The following C1orf21 variants were observed in gnomAD, a reference collection of about 807,000 sequenced individuals.
The protein encoded by C1orf21 is chromosome 1 open reading frame 21, also known as uncharacterized protein C1orf21.
Under a neutral mutation model 18.7 loss-of-function variants are expected in C1orf21, and 3 were observed. The ratio of observed to expected loss-of-function variants is 0.16; its 90% CI spans 0.07 to 0.42. The LOEUF is 0.42. C1orf21 is among the 10% of genes least tolerant of loss of function. The pLI is 0.99. For synonymous variants in C1orf21, 41 were observed against 46.4 expected, an observed-to-expected ratio of 0.88 and a Z score of 0.47; for missense variants, 104 against 143.6, an observed-to-expected ratio of 0.72 and a Z score of 1.41.
At chr1:184,610,811 C>T (rs1386720922) in intron 5 of C1orf21, among the ~76,000 whole-genome samples, 2 of 148,940 alleles carry the variant, frequency 1.3e-5, no homozygotes, top group Non-Finnish European at 1.5e-5. Context: ...TCGCCCACTG[C>T]ACTCCAGCCT....
At chr1:184,551,077 TAGAAC>T (rs1558000733) in intron 3 of C1orf21, among the ~76,000 whole-genome samples, 1 of 152,172 alleles carries the variant, frequency 6.6e-6, no homozygotes, top group Non-Finnish European at 1.5e-5. Context: ...AGGAATCACA[TAGAAC>T]AGAATAAATA....
intron 1 of C1orf21, among the ~76,000 whole-genome samples, chr1:184,394,020 T>C (rs1313970043): frequency 6.6e-6 from 1 of 152,186 alleles, no homozygotes; most frequent in African/African-American, 2.4e-5. Context: ...TATAAGTTTG[T>C]AGCCTATATC....
intron 3 of C1orf21, among the ~76,000 whole-genome samples, chr1:184,543,011 G>T (rs865910364): frequency 5.3e-5 from 8 of 152,196 alleles, no homozygotes; most frequent in African/African-American, 1.9e-4. Context: ...CCTCTGGCCT[G>T]AACCTTAGAG....
chr1:184,552,813 G>A (rs1489139787), intron 3 of C1orf21, among the ~76,000 whole-genome samples: 1 of 152,124 alleles, frequency 6.6e-6, no homozygotes, highest in Admixed American at 6.6e-5. Context: ...CACTCAATTG[G>A]TAGGATAACA....
At chr1:184,504,763 T>C (rs1658028247) in intron 2 of C1orf21, among the ~76,000 whole-genome samples, 1 of 152,214 alleles carries the variant, frequency 6.6e-6, no homozygotes. Flanking sequence ...TAAGTAATAA[T>C]GATAGGTCTG....
chr1:184,610,334 T>C (rs1659710256), intron 5 of C1orf21, among the ~76,000 whole-genome samples: 1 of 152,190 alleles, frequency 6.6e-6, no homozygotes, highest in Non-Finnish European at 1.5e-5. Context: ...AGTGAGACCA[T>C]ATGGAATGGA....
intron 1 of C1orf21, among the ~76,000 whole-genome samples, chr1:184,389,622 G>C (rs1655938586): frequency 6.6e-6 from 1 of 152,182 alleles, no homozygotes; most frequent in South Asian, 2.1e-4. Flanking sequence ...AAGGAGGAAG[G>C]TGGTTTGCTC....
Position 184,578,632 on chromosome 1 carries a change from A to G in C1orf21, c.190-12107A>G, listed in dbSNP as rs528196314. On this transcript the variant is annotated intron_variant, in intron 3 of 5. Transcript: ENST00000235307. ...TTAAATCATCAATACAGTTTTTTCT[A>G]TATTTCTGTGAAATACCTATATGTT... is the stretch of plus-strand genomic sequence containing the variant. Among the ~76,000 whole-genome samples, 857 of 152,258 alleles carry G rather than the reference A, an allele frequency of 5.6e-3. 5 individuals carry two copies. The highest frequency in any genetic ancestry group is 5.8e-3 in the Non-Finnish European group (396 of 68,012).
intron 3 of C1orf21, among the ~76,000 whole-genome samples, chr1:184,571,006 C>T (rs372744585): frequency 8.5e-5 from 13 of 152,050 alleles, no homozygotes; most frequent in African/African-American, 2.4e-4. Flanking sequence ...AGAAAAGGTA[C>T]GGTAAGGCCG....
At chr1:184,460,616 CG>C (rs1557977751) in intron 1 of C1orf21, among the ~76,000 whole-genome samples, 246 of 109,028 alleles carry the variant, frequency 2.3e-3, no homozygotes, top group African/African-American at 9.4e-3. Context: ...GTATTGTCGT[CG>C]TCGTCTTCTT....
chr1:184,520,774 T>G (rs1658295490), intron 3 of C1orf21, among the ~76,000 whole-genome samples: 1 of 152,240 alleles, frequency 6.6e-6, no homozygotes, highest in Admixed American at 6.5e-5. Context: ...AACATACTAC[T>G]TGCTTGAATT....
intron 1 of C1orf21, among the ~76,000 whole-genome samples, chr1:184,475,781 G>A (rs193274212): frequency 1.6e-5 from 2 of 126,128 alleles, no homozygotes; most frequent in African/African-American, 6.0e-5. Context: ...GTGTGTGTGT[G>A]TCCATCCACA....
chr1:184,461,102 A>G (rs935549338), intron 1 of C1orf21, among the ~76,000 whole-genome samples: 2 of 151,976 alleles, frequency 1.3e-5, no homozygotes, highest in African/African-American at 4.8e-5. Flanking sequence ...CTTGCTTAGG[A>G]CCCCAGAGCC....
intron 2 of C1orf21, among the ~76,000 whole-genome samples, chr1:184,486,931 C>T (rs998862569): frequency 6.6e-6 from 1 of 152,234 alleles, no homozygotes; most frequent in African/African-American, 2.4e-5. Context: ...CTTGCCCCTT[C>T]AAGTGCTTGT....
At chr1:184,582,632 T>C (rs528247264) in intron 3 of C1orf21, among the ~76,000 whole-genome samples, 13 of 152,314 alleles carry the variant, frequency 8.5e-5, no homozygotes, top group Admixed American at 6.5e-4. Flanking sequence ...CTCTCCAGAC[T>C]ATCAATTCAG....
At chr1:184,452,959 A>G (rs973899071) in intron 1 of C1orf21, among the ~76,000 whole-genome samples, 2 of 152,214 alleles carry the variant, frequency 1.3e-5, no homozygotes, top group African/African-American at 4.8e-5. Flanking sequence ...ACTTTGAGTC[A>G]GAAAGAAGCA....
chr1:184,499,596 G>C (rs138369811), intron 2 of C1orf21, among the ~76,000 whole-genome samples: 1 of 151,944 alleles, frequency 6.6e-6, no homozygotes, highest in South Asian at 2.1e-4. Flanking sequence ...ATTTGGAAAT[G>C]TGTCCACATT....
chr1:184,484,588 A>G (rs967970816), intron 2 of C1orf21, among the ~76,000 whole-genome samples: 6 of 152,164 alleles, frequency 3.9e-5, no homozygotes, highest in African/African-American at 1.4e-4. Context: ...GGAGGCAGAG[A>G]GATTGTTCAG....
intron 3 of C1orf21, among the ~76,000 whole-genome samples, chr1:184,583,625 C>T (rs1272969836): frequency 1.3e-5 from 2 of 152,192 alleles, no homozygotes; most frequent in Non-Finnish European, 1.5e-5. Flanking sequence ...AATAGACGTG[C>T]TCAAACTTTT....
Sources: gnomAD v4.1 joint callset for allele counts (sites outside exome capture counted in the v4.1 genomes callset) on GRCh38, gnomAD v4.1.1 for gene constraint, MANE v1.5 for transcripts, NCBI Gene and HGNC (gene_info 2026-07-23, HGNC 2026-07-21) for gene names.